Variants in DCC observed in about 807,000 individuals in gnomAD.
DCC encodes the protein netrin receptor DCC.
In DCC, 58 loss-of-function variants were observed where a neutral mutation model predicts 172.5. The observed-to-expected ratio is 0.34, with a 90% CI of 0.27 to 0.42. The LOEUF (loss-of-function observed/expected upper bound fraction) is 0.42. Among genes scored for constraint, DCC ranks in the 10% least tolerant of loss-of-function variants. The probability of loss-of-function intolerance (pLI) is 1.00; values close to 1 mark genes in which losing one functional copy is unlikely to be tolerated. For missense variants in DCC, 1,740 were observed against 1,791.0 expected, an observed-to-expected ratio of 0.97 and a Z score of 0.51; for synonymous variants, 709 against 644.5, an observed-to-expected ratio of 1.10 and a Z score of -1.52.
intron 1 of DCC, among the ~76,000 whole-genome samples, chr18:52,612,822 T>TGCTGTG (rs749112939): frequency 1.2e-4 from 18 of 152,216 alleles, no homozygotes; most frequent in Non-Finnish European, 2.2e-4. Context: ...CCTTATGTAA[T>TGCTGTG]CTCTTGCACA....
At chr18:53,453,216 CT>C (rs1220593704) in intron 23 of DCC, among the ~76,000 whole-genome samples, 7 of 152,048 alleles carry the variant, frequency 4.6e-5, no homozygotes, top group Non-Finnish European at 1.0e-4. Context: ...CGCCCGGCCC[CT>C]TATAGTTTAG....
chr18:52,606,293 C>A (rs1190904728), intron 1 of DCC, among the ~76,000 whole-genome samples: 1 of 151,974 alleles, frequency 6.6e-6, no homozygotes, highest in East Asian at 1.9e-4. Context: ...AACTCCCAGA[C>A]CCAATTTTCT....
intron 7 of DCC, among the ~76,000 whole-genome samples, chr18:53,070,617 T>G (rs1321631368): frequency 1.3e-5 from 2 of 152,186 alleles, no homozygotes; most frequent in Non-Finnish European, 2.9e-5. Context: ...GGCGTTTAAC[T>G]CCTCACTAGA....
At chr18:52,741,333 C>G (rs1451074685) in intron 1 of DCC, among the ~76,000 whole-genome samples, 2 of 152,192 alleles carry the variant, frequency 1.3e-5, no homozygotes, top group Non-Finnish European at 2.9e-5. Flanking sequence ...AGTTTCTCTG[C>G]TTCTTCCAAT....
intron 8 of DCC, among the ~76,000 whole-genome samples, chr18:53,161,117 C>T (rs899285168): frequency 2.0e-5 from 3 of 152,332 alleles, no homozygotes; most frequent in African/African-American, 4.8e-5. Context: ...TCTACCACTC[C>T]ATGCTCTGTT....
At chr18:52,738,741 C>CT (rs2036766999) in intron 1 of DCC, among the ~76,000 whole-genome samples, 1 of 149,858 alleles carries the variant, frequency 6.7e-6, no homozygotes, top group Admixed American at 6.6e-5. Context: ...TTCTTTCTTT[C>CT]TTTGTTTTTT....
Position 53,534,524 on chromosome 18 carries a change from T to G in DCC, c.*3871T>G, listed in dbSNP as rs1202589283. 1.3e-5 allele frequency: 2 copies of G among 152,198 alleles called. No homozygotes were observed. Among genetic ancestry groups the G allele is most frequent in the Admixed American group, 6.5e-5 (1 of 15,286 alleles). The allele number at this position is 152,198 out of a possible 1,614,324, so 9.4% of individuals were successfully genotyped here. A position where few individuals can be genotyped will look rare whatever the true frequency, so the allele number is the denominator to read the frequency against. ...TTGTAAATCACATTCAAAGCAACATTTTACTCATAATTTGCATTTCTCTGG... is the reference window on the plus strand; with the variant it reads ...TTGTAAATCACATTCAAAGCAACATGTTACTCATAATTTGCATTTCTCTGG... On this transcript the variant is annotated 3_prime_UTR_variant, in exon 29 of 29. Transcript: ENST00000442544.
chr18:52,453,949 A>G (rs1015748883), intron 1 of DCC, among the ~76,000 whole-genome samples: 1 of 152,198 alleles, frequency 6.6e-6, no homozygotes, highest in Admixed American at 6.5e-5. Flanking sequence ...GGTCACTAGA[A>G]GTCCTTTATT....
At chr18:53,426,537 G>A (rs1378461123) in intron 21 of DCC, among the ~76,000 whole-genome samples, 5 of 149,270 alleles carry the variant, frequency 3.3e-5, no homozygotes, top group Non-Finnish European at 5.9e-5. Flanking sequence ...TTTTACTTTG[G>A]TGCTTGCAAA....
chr18:52,746,860 G>C (rs771870471), intron 1 of DCC, among the ~76,000 whole-genome samples: 1 of 151,446 alleles, frequency 6.6e-6, no homozygotes, highest in Non-Finnish European at 1.5e-5. Flanking sequence ...TCATCAGGAA[G>C]CATGGAAGGT....
chr18:53,459,479 A>T (rs1428447803), intron 24 of DCC, 21 bp downstream of exon 24: 3 of 1,469,926 alleles, frequency 2.0e-6, no homozygotes, highest in African/African-American at 2.8e-5. Flanking sequence ...TTTCACTGGC[A>T]TTAGGGAAAA....
chr18:53,348,449 G>C (rs1480051289), intron 15 of DCC, among the ~76,000 whole-genome samples: 1 of 152,184 alleles, frequency 6.6e-6, no homozygotes, highest in Non-Finnish European at 1.5e-5. Flanking sequence ...TTATAGGCTG[G>C]CATTGAGTGT....
chr18:53,507,194 C>T (rs2046191296), intron 27 of DCC, among the ~76,000 whole-genome samples: 1 of 152,124 alleles, frequency 6.6e-6, no homozygotes. Flanking sequence ...CTTTAAAGTT[C>T]TTCAATGAGC....
At chr18:53,494,990 A>T (rs2879567) in intron 26 of DCC, among the ~76,000 whole-genome samples, 2 of 151,968 alleles carry the variant, frequency 1.3e-5, no homozygotes, top group Non-Finnish European at 2.9e-5. Context: ...CTTGTAAGGC[A>T]GGCCTGGTGG....
At chr18:53,198,240 A>G (rs2055478842) in intron 9 of DCC, among the ~76,000 whole-genome samples, 1 of 152,178 alleles carries the variant, frequency 6.6e-6, no homozygotes, top group South Asian at 2.1e-4. Flanking sequence ...GCTCAGATAC[A>G]ATGATAGAAG....
At chr18:53,311,070 G>A (rs537444539) in intron 13 of DCC, among the ~76,000 whole-genome samples, 30 of 151,404 alleles carry the variant, frequency 2.0e-4, no homozygotes, top group African/African-American at 6.3e-4. Context: ...CACAGAATTC[G>A]TCTCATCCAA....
chr18:52,384,867 A>G (rs1472989703), intron 1 of DCC, among the ~76,000 whole-genome samples: 1 of 152,162 alleles, frequency 6.6e-6, no homozygotes. Flanking sequence ...AAAAGAGTCC[A>G]TTTTTTGGGT....
chr18:53,114,782 C>T (rs1327046930), intron 7 of DCC, among the ~76,000 whole-genome samples: 1 of 151,564 alleles, frequency 6.6e-6, no homozygotes, highest in Non-Finnish European at 1.5e-5. Flanking sequence ...TGGGCCCTGG[C>T]TCCTTGATTA....
chr18:53,256,819 C>G (rs1349878012), intron 12 of DCC, among the ~76,000 whole-genome samples: 1 of 152,164 alleles, frequency 6.6e-6, no homozygotes, highest in Non-Finnish European at 1.5e-5. Context: ...GCCATTTTTA[C>G]AATATTGATT....
Sources: allele counts gnomAD v4.1 joint callset (sites outside exome capture counted in the v4.1 genomes callset), GRCh38; gene constraint gnomAD v4.1.1; transcripts MANE v1.5; gene names NCBI Gene and HGNC (gene_info 2026-07-23, HGNC 2026-07-21).